SPAG16: variants seen among roughly 807,000 people sequenced by gnomAD.
The protein encoded by SPAG16 is sperm associated antigen 16.
SPAG16 carries 86 observed loss-of-function variants against 80.4 expected under a neutral mutation model. The observed-to-expected ratio is 1.07, with a 90% confidence interval of 0.90 to 1.28. SPAG16 has a LOEUF of 1.28. SPAG16 is among the 50% of genes most tolerant of loss of function. SPAG16 has a pLI of 0.00. For synonymous variants in SPAG16, 294 were observed against 265.9 expected (o/e 1.11, Z -1.03); for missense variants, 870 against 765.3 (o/e 1.14, Z -1.61).
chr2:214,043,190 T>C (rs737690), intron 13 of SPAG16, among the ~76,000 whole-genome samples: 122,485 of 151,338 alleles, frequency 0.81, 49,919 homozygotes, highest in South Asian at 0.88. Context: ...GCAGTGGGAA[T>C]ATTTAAATTA....
intron 15 of SPAG16, among the ~76,000 whole-genome samples, chr2:214,195,303 T>TGATAGATGGATAGATAGATA (rs2057795294): frequency 6.8e-6 from 1 of 146,662 alleles, no homozygotes; most frequent in African/African-American, 2.5e-5. Flanking sequence ...AGATGAGAGA[T>TGATAGATGGATAGATAGATA]GATAGATAGA....
chr2:214,291,296 G>GTTTT (rs1553546925), intron 15 of SPAG16, among the ~76,000 whole-genome samples: 4 of 50,976 alleles, frequency 7.8e-5, no homozygotes, highest in East Asian at 6.1e-4. Context: ...TTTAGATCAT[G>GTTTT]TTTCTTTTTT....
chr2:213,786,082 A>C (rs1460671699), intron 10 of SPAG16, among the ~76,000 whole-genome samples: 3 of 152,106 alleles, frequency 2.0e-5, no homozygotes, highest in Non-Finnish European at 2.9e-5. Context: ...CTATTTCATT[A>C]ATGTGCTTGA....
chr2:214,243,906 G>C (rs1225125533), intron 15 of SPAG16, among the ~76,000 whole-genome samples: 3 of 151,940 alleles, frequency 2.0e-5, no homozygotes, highest in Non-Finnish European at 4.4e-5. Flanking sequence ...GTCACCTTAG[G>C]GCCTGGGTCA....
intron 15 of SPAG16, among the ~76,000 whole-genome samples, chr2:214,150,782 CTT>C (rs2055935889): frequency 6.6e-6 from 1 of 151,464 alleles, no homozygotes; most frequent in African/African-American, 2.4e-5. Context: ...GCCACTTGCT[CTT>C]TGCCATCCTT....
At chr2:213,993,616 CT>C (rs954376479) in intron 12 of SPAG16, among the ~76,000 whole-genome samples, 2 of 152,106 alleles carry the variant, frequency 1.3e-5, no homozygotes, top group African/African-American at 4.8e-5. Flanking sequence ...ATCCATATAG[CT>C]TTTTAAGAAA....
At chr2:213,961,865 G>A (rs1461626497) in intron 12 of SPAG16, among the ~76,000 whole-genome samples, 1 of 151,772 alleles carries the variant, frequency 6.6e-6, no homozygotes, top group East Asian at 1.9e-4. Flanking sequence ...GTATTTGTCT[G>A]GTTTTGATAT....
intron 9 of SPAG16, among the ~76,000 whole-genome samples, chr2:213,399,279 G>GA (rs34434134): frequency 6.6e-6 from 1 of 151,892 alleles, no homozygotes; most frequent in Non-Finnish European, 1.5e-5. Context: ...TTATCAAGTT[G>GA]AAAAAATTTG....
intron 10 of SPAG16, among the ~76,000 whole-genome samples, chr2:213,705,032 C>A (rs560208498): frequency 6.6e-6 from 1 of 152,094 alleles, no homozygotes; most frequent in Non-Finnish European, 1.5e-5. Flanking sequence ...GCAGGCGGAT[C>A]ATGAGGTCAG....
At chr2:213,454,640 A>G (rs1481192449) in intron 9 of SPAG16, among the ~76,000 whole-genome samples, 2 of 152,206 alleles carry the variant, frequency 1.3e-5, no homozygotes, top group Admixed American at 1.3e-4. Flanking sequence ...GAAGAAAATT[A>G]TAATGCTTAG....
chr2:213,728,795 C>T (rs562568736), intron 10 of SPAG16, among the ~76,000 whole-genome samples: 10 of 145,110 alleles, frequency 6.9e-5, no homozygotes, highest in African/African-American at 2.3e-4. Context: ...GAGAATGGCA[C>T]GAACTCGGGA....
chr2:214,379,161 A>C (rs1309165354), intron 15 of SPAG16, among the ~76,000 whole-genome samples: 1 of 152,218 alleles, frequency 6.6e-6, no homozygotes, highest in African/African-American at 2.4e-5. Flanking sequence ...ACTTTACTGC[A>C]TTCTTCTGTG....
At chr2:214,074,618 AG>A (rs2050975375) in intron 13 of SPAG16, among the ~76,000 whole-genome samples, 1 of 152,170 alleles carries the variant, frequency 6.6e-6, no homozygotes, top group Non-Finnish European at 1.5e-5. Context: ...TGAACTGAAA[AG>A]ACAACCAGAG....
intron 10 of SPAG16, among the ~76,000 whole-genome samples, chr2:213,618,529 A>G (rs1176040450): frequency 1.3e-5 from 2 of 152,182 alleles, no homozygotes; most frequent in Non-Finnish European, 2.9e-5. Flanking sequence ...ACTTGAATAG[A>G]TATTTGTTAC....
chr2:213,672,314 T>C (rs2063841090), intron 10 of SPAG16, among the ~76,000 whole-genome samples: 1 of 152,024 alleles, frequency 6.6e-6, no homozygotes, highest in Non-Finnish European at 1.5e-5. Flanking sequence ...AAGAAAAAAA[T>C]GTTTCTTTCA....
intron 9 of SPAG16, among the ~76,000 whole-genome samples, chr2:213,410,147 A>G (rs2068880135): frequency 6.6e-6 from 1 of 152,112 alleles, no homozygotes; most frequent in Non-Finnish European, 1.5e-5. Context: ...GTCGTGGGCC[A>G]TAGTCCCAGG....
chr2:213,976,135 T>TATATATATATACATACACACACACACAC (rs749957411), intron 12 of SPAG16, among the ~76,000 whole-genome samples: 1 of 81,406 alleles, frequency 1.2e-5, no homozygotes, highest in East Asian at 3.8e-4. Flanking sequence ...TATATATATA[T>TATATATATATACATACACACACACACAC]ACACACACAC....
chr2:213,700,873 G>A (rs1371715950), intron 10 of SPAG16, among the ~76,000 whole-genome samples: 3 of 152,060 alleles, frequency 2.0e-5, no homozygotes, highest in South Asian at 2.1e-4. Context: ...TAGGCCAGGC[G>A]TGGTGGCTCA....
intron 15 of SPAG16, among the ~76,000 whole-genome samples, chr2:214,361,655 A>G (rs1244442065): frequency 6.6e-6 from 1 of 151,856 alleles, no homozygotes; most frequent in Non-Finnish European, 1.5e-5. Flanking sequence ...TTAACTTGTA[A>G]ATTTAGAAGG....
Sources: allele counts gnomAD v4.1 joint callset (sites outside exome capture counted in the v4.1 genomes callset), GRCh38; gene constraint gnomAD v4.1.1; transcripts MANE v1.5; gene names NCBI Gene and HGNC (gene_info 2026-07-23, HGNC 2026-07-21).